The following TRAPPC9 variants were observed in gnomAD, a reference collection of about 807,000 sequenced individuals.
TRAPPC9 encodes trafficking protein particle complex subunit 9, also known as IKK2 binding protein.
Under a neutral mutation model 124.0 loss-of-function variants are expected in TRAPPC9, and 83 were observed. The observed-to-expected ratio is 0.67, with a 90% CI of 0.56 to 0.80. TRAPPC9 has a LOEUF of 0.80. Ranked by LOEUF, TRAPPC9 falls within the 30% of genes least tolerant of loss-of-function variation. The probability of loss-of-function intolerance (pLI) is 0.00; values close to 1 mark genes in which losing one functional copy is unlikely to be tolerated. For missense variants in TRAPPC9, 1,302 were observed against 1,508.3 expected (o/e 0.86, Z 2.27); for synonymous variants, 638 against 617.5 (o/e 1.03, Z -0.49).
In TRAPPC9 at chr8:140,280,804, C is replaced by A. The variant is rs1310011154; in HGVS notation, c.2114+3085G>T. Among the ~76,000 whole-genome samples the A allele has an allele frequency of 3.3e-5, 5 of 152,318 alleles. No individual in the cohort carries two copies. The South Asian group carries it at 1.0e-3, about 32-fold the overall frequency. On this transcript the variant is annotated intron_variant, in intron 14 of 22. Transcript: ENST00000438773. Reference sequence around the variant, plus strand: ...CAGGAGCACTTCCAATCAGTTTAGTCCCCACACCACTGGCAGTCTCAGGCA... The same window carrying A: ...CAGGAGCACTTCCAATCAGTTTAGTACCCACACCACTGGCAGTCTCAGGCA...
At chr8:140,057,487 A>T (rs1842357209) in intron 17 of TRAPPC9, among the ~76,000 whole-genome samples, 1 of 152,256 alleles carries the variant, frequency 6.6e-6, no homozygotes, top group Admixed American at 6.5e-5. Flanking sequence ...CGATAAATAC[A>T]ATGAAATGTT....
At chr8:140,313,010 T>C (rs556192713) in intron 9 of TRAPPC9, among the ~76,000 whole-genome samples, 17 of 152,312 alleles carry the variant, frequency 1.1e-4, no homozygotes, top group African/African-American at 3.8e-4. Flanking sequence ...TCCCCCCACC[T>C]TGGCCTTCCA....
chr8:140,303,307 G>A (rs2066035212), intron 10 of TRAPPC9, among the ~76,000 whole-genome samples: 1 of 151,918 alleles, frequency 6.6e-6, no homozygotes, highest in South Asian at 2.1e-4. Context: ...CCCCATCACT[G>A]CCCCCAAATT....
chr8:140,410,458 C>T (rs1170316829), intron 5 of TRAPPC9, among the ~76,000 whole-genome samples: 6 of 152,160 alleles, frequency 3.9e-5, no homozygotes, highest in South Asian at 2.1e-4. Context: ...ATTGCTTCAA[C>T]CCGGGAAGCA....
intron 21 of TRAPPC9, among the ~76,000 whole-genome samples, chr8:139,812,219 A>G (rs1182670292): frequency 6.6e-6 from 1 of 152,222 alleles, no homozygotes; most frequent in Admixed American, 6.5e-5. Flanking sequence ...ATAATTCTAG[A>G]AAAAGCAAAA....
chr8:140,393,031 AT>A (rs869235393), intron 7 of TRAPPC9, among the ~76,000 whole-genome samples: 12 of 141,878 alleles, frequency 8.5e-5, no homozygotes, highest in South Asian at 6.5e-4. Context: ...TTCCCATTTT[AT>A]TTTTATTTTA....
At chr8:139,774,952 G>A (rs1166796036) in intron 21 of TRAPPC9, among the ~76,000 whole-genome samples, 3 of 152,214 alleles carry the variant, frequency 2.0e-5, no homozygotes, top group African/African-American at 7.2e-5. Context: ...AACCTGAGCA[G>A]AACGCCCGGA....
At chr8:139,968,791 G>A (rs748724687) in intron 19 of TRAPPC9, among the ~76,000 whole-genome samples, 15 of 152,158 alleles carry the variant, frequency 9.9e-5, no homozygotes, top group Non-Finnish European at 1.6e-4. Context: ...CATCATCCCC[G>A]TTTCACAGAT....
At chr8:140,120,144 A>T (rs1375715027) in intron 17 of TRAPPC9, among the ~76,000 whole-genome samples, 1 of 152,220 alleles carries the variant, frequency 6.6e-6, no homozygotes, top group African/African-American at 2.4e-5. Flanking sequence ...TGTGACAGAT[A>T]AGAGGTGACA....
intron 11 of TRAPPC9, among the ~76,000 whole-genome samples, chr8:140,299,315 G>T (rs1461359352): frequency 6.6e-6 from 1 of 152,202 alleles, no homozygotes; most frequent in East Asian, 1.9e-4. Flanking sequence ...GGGGGGGTCA[G>T]GGAGCGCCTG....
Position 139,861,837 on chromosome 8 carries a change from C to T in TRAPPC9, c.3055+24042G>A, listed in dbSNP as rs974028763. Among the ~76,000 whole-genome samples the T allele has an allele frequency of 2.0e-5, 3 of 152,128 alleles. No homozygotes were observed. The South Asian group carries it at 6.2e-4, about 32-fold the overall frequency. On this transcript the variant is annotated intron_variant, in intron 21 of 22. Transcript: ENST00000438773. The stretch of plus-strand genomic sequence containing the variant: ...GCCATGATCCAGTGCTGCATCACTC[C>T]ATCCCCCACAAAAGCAGGGGTCTTC...
intron 17 of TRAPPC9, among the ~76,000 whole-genome samples, chr8:140,178,275 T>C (rs538255758): frequency 6.6e-6 from 1 of 152,314 alleles, no homozygotes; most frequent in African/African-American, 2.4e-5. Context: ...AGTGGGCTTC[T>C]ATTTCCAGTC....
intron 20 of TRAPPC9, among the ~76,000 whole-genome samples, chr8:139,888,020 T>C (rs1830120669): frequency 6.6e-6 from 1 of 152,226 alleles, no homozygotes; most frequent in South Asian, 2.1e-4. Flanking sequence ...GGCCTGCTGA[T>C]GGCTTCTGCA....
At chr8:140,325,429 T>A (rs1199863739) in intron 9 of TRAPPC9, among the ~76,000 whole-genome samples, 1 of 152,154 alleles carries the variant, frequency 6.6e-6, no homozygotes, top group African/African-American at 2.4e-5. Context: ...ACACAGATCA[T>A]CTATATCAGG....
chr8:140,045,717 G>A (rs1337226207), intron 17 of TRAPPC9, among the ~76,000 whole-genome samples: 2 of 150,290 alleles, frequency 1.3e-5, no homozygotes, highest in Non-Finnish European at 3.0e-5. Context: ...GGAAGATGAC[G>A]GTGGCTGCTC....
At position 140,188,812 on chromosome 8, in the gene TRAPPC9, T is replaced by C. The variant is rs563017145; in HGVS notation, c.2556+32647A>G. 2.0e-5 allele frequency among the ~76,000 whole-genome samples: 3 copies of C among 152,176 alleles called. No individual in the cohort carries two copies. The South Asian group carries it at 6.2e-4, about 32-fold the overall frequency. ...AAGGAACCACACACAATTTGACCAC[T>C]ATCCACAGCTGATGGTCCCGAATTG... On this transcript the variant is annotated intron_variant, in intron 17 of 22. Coordinates refer to ENST00000438773, the MANE Select transcript of TRAPPC9 (RefSeq NM_001160372.4).
intron 18 of TRAPPC9, among the ~76,000 whole-genome samples, chr8:140,002,980 A>T (rs1838502832): frequency 6.6e-6 from 1 of 151,998 alleles, no homozygotes; most frequent in Non-Finnish European, 1.5e-5. Context: ...AAAAAGCACA[A>T]CCAAAAGTAG....
intron 12 of TRAPPC9, among the ~76,000 whole-genome samples, chr8:140,288,061 C>T (rs2065541755): frequency 6.6e-6 from 1 of 152,168 alleles, no homozygotes; most frequent in Non-Finnish European, 1.5e-5. Flanking sequence ...AAAAACATGG[C>T]TGGGCATGGT....
chr8:139,826,905 G>A (rs1825679750), intron 21 of TRAPPC9, among the ~76,000 whole-genome samples: 1 of 152,204 alleles, frequency 6.6e-6, no homozygotes, highest in South Asian at 2.1e-4. Context: ...CATGGGGAGG[G>A]AGAACCAGTT....
Sources: allele counts gnomAD v4.1 joint callset (sites outside exome capture counted in the v4.1 genomes callset), GRCh38; gene constraint gnomAD v4.1.1; transcripts MANE v1.5; gene names NCBI Gene and HGNC (gene_info 2026-07-23, HGNC 2026-07-21).